The following IGF2R variants were observed in gnomAD, a reference collection of about 807,000 sequenced individuals.
The protein encoded by IGF2R is cation-independent mannose-6-phosphate receptor.
Under a neutral mutation model 270.6 loss-of-function variants are expected in IGF2R, and 91 were observed. The observed-to-expected ratio is 0.34, with a 90% CI of 0.28 to 0.40. IGF2R has a LOEUF of 0.40. Among genes scored for constraint, IGF2R ranks in the 10% least tolerant of loss-of-function variants. The probability of loss-of-function intolerance (pLI) is 1.00; values close to 1 mark genes in which losing one functional copy is unlikely to be tolerated. For missense variants in IGF2R, 2,805 were observed against 3,188.3 expected (o/e 0.88, Z 2.90); for synonymous variants, 1,316 against 1,258.9 (o/e 1.05, Z -0.96).
intron 45 of IGF2R, among the ~76,000 whole-genome samples, chr6:160,099,670 T>A (rs1057023565): frequency 1.3e-5 from 2 of 152,166 alleles, no homozygotes; most frequent in African/African-American, 4.8e-5. Context: ...CCCGGCCTCA[T>A]CAACTTTATA....
At chr6:160,065,838 ATATATATG>A (rs1778571374) in intron 29 of IGF2R, among the ~76,000 whole-genome samples, 1 of 97,170 alleles carries the variant, frequency 1.0e-5, no homozygotes, top group Admixed American at 1.0e-4. Context: ...ATATATATAT[ATATATATG>A]TATTTTTTTT....
At chr6:160,056,274 G>C in intron 19 of IGF2R, 150 bp from the exon 20 acceptor site, 1 of 633,330 alleles carries the variant, frequency 1.6e-6, no homozygotes, top group Non-Finnish European at 2.9e-6. Flanking sequence ...TTCTAATTAG[G>C]TAATGCACAT....
intron 2 of IGF2R, among the ~76,000 whole-genome samples, chr6:160,007,943 A>G (rs1784270966): frequency 6.6e-6 from 1 of 152,138 alleles, no homozygotes; most frequent in African/African-American, 2.4e-5. Flanking sequence ...TTGGATTTTG[A>G]TGTTTACATC....
rs879761244 is a variant in IGF2R at position 160,051,953 on chromosome 6, C to CA, written c.2694+1313dup. Among the ~76,000 whole-genome samples the CA allele has an allele frequency of 4.7e-3, 661 of 139,552 alleles. 8 individuals carry two copies. The highest frequency in any genetic ancestry group is 0.015 in the African/African-American group (570 of 37,786). The allele number at this position is 139,552 out of a possible 152,430, so 91.6% of individuals were successfully genotyped here. On this transcript the variant is annotated intron_variant, in intron 19 of 47. Coordinates refer to ENST00000356956, the MANE Select transcript of IGF2R (RefSeq NM_000876.4). ...TGGGAGACAAAGCGAGCCCCTGTCT[C>CA]AAAAAAAAAAAATTGGGAGGCAGAG...
At chr6:160,082,796 G>A (rs1438422054) in intron 39 of IGF2R, among the ~76,000 whole-genome samples, 1 of 152,262 alleles carries the variant, frequency 6.6e-6, no homozygotes, top group African/African-American at 2.4e-5. Context: ...AGCACGTGGT[G>A]TGTTGCCAGA....
intron 10 of IGF2R, among the ~76,000 whole-genome samples, chr6:160,037,892 G>A (rs1332149176): frequency 6.6e-6 from 1 of 152,162 alleles, no homozygotes. Context: ...CAGGGGCTCT[G>A]CAGGATGGGA....
intron 4 of IGF2R, among the ~76,000 whole-genome samples, chr6:160,014,331 T>C (rs913428833): frequency 2.0e-5 from 3 of 152,234 alleles, no homozygotes; most frequent in Non-Finnish European, 4.4e-5. Flanking sequence ...CCCAGGCTGC[T>C]AAATTCGTGG....
chr6:160,020,571 C>T lies in IGF2R; in HGVS notation c.514-4001C>T, dbSNP rs893051101. Among the ~76,000 whole-genome samples the T allele has an allele frequency of 7.2e-5, 11 of 152,256 alleles. No homozygotes were observed. The Middle Eastern group carries it at 0.014, about 188-fold the overall frequency. The stretch of plus-strand genomic sequence containing the variant: ...TACTGGAGGGCTATAGTAATCAAAA[C>T]AGCTAGTACTGATAGAAAAATAGAC... On this transcript the variant is annotated intron_variant, in intron 4 of 47. Transcript: ENST00000356956.
intron 37 of IGF2R, among the ~76,000 whole-genome samples, chr6:160,079,231 C>T (rs1230516754): frequency 2.6e-5 from 4 of 152,150 alleles, no homozygotes; most frequent in Admixed American, 6.5e-5. Flanking sequence ...TCACTTGGCC[C>T]GCACAATGTC....
intron 19 of IGF2R, among the ~76,000 whole-genome samples, chr6:160,055,407 T>C (rs1035255082): frequency 5.9e-5 from 9 of 152,100 alleles, no homozygotes; most frequent in Admixed American, 4.6e-4. Context: ...TCAGCACTCA[T>C]ATAGGGCCTG....
rs757124612 is a variant in IGF2R, at chr6:160,040,631, G to A, written c.1387G>A (p.Glu463Lys). ...CACCTACTTCTTCACATGGGACACG[G>A]AATACGCCTGTGTTAAGGAGAAGGA... ...DCTYFFTWDT[E>K]YACVKEKEDL... Residue 463 changes from glutamate to lysine, a missense_variant, in exon 11 of 48, where the codon GAA becomes AAA. Glu to Lys is a moderately conservative substitution (Grantham distance 56). This residue lies in a region of IGF2R where 954 missense variants were observed against 981.1 expected (regional missense o/e 0.97). Coordinates refer to ENST00000356956, the MANE Select transcript of IGF2R (RefSeq NM_000876.4). The A allele has an allele frequency of 9.3e-6, 15 of 1,614,062 alleles. No homozygotes were observed. The highest frequency in any genetic ancestry group is 8.8e-5 in the South Asian group (8 of 91,080).
At chr6:160,033,470 G>A (rs1211493362) in intron 9 of IGF2R, among the ~76,000 whole-genome samples, 1 of 152,236 alleles carries the variant, frequency 6.6e-6, no homozygotes, top group East Asian at 1.9e-4. Flanking sequence ...GTATTCTTGT[G>A]AAACATAACT....
At chr6:160,085,987 G>C (rs1268583414) in intron 41 of IGF2R, among the ~76,000 whole-genome samples, 1 of 152,252 alleles carries the variant, frequency 6.6e-6, no homozygotes, top group Non-Finnish European at 1.5e-5. Context: ...GGGAAGGAGG[G>C]AAGGTCGTGG....
intron 2 of IGF2R, among the ~76,000 whole-genome samples, chr6:160,008,521 G>C (rs1337253001): frequency 6.6e-6 from 1 of 152,142 alleles, no homozygotes; most frequent in African/African-American, 2.4e-5. Flanking sequence ...CATTCTACTT[G>C]TGGGCCTTTC....
intron 1 of IGF2R, among the ~76,000 whole-genome samples, chr6:159,969,861 G>A (rs1333377661): frequency 1.3e-5 from 2 of 152,200 alleles, no homozygotes; most frequent in Admixed American, 6.5e-5. Flanking sequence ...GGAGCCCGCA[G>A]GAATGGTCCT....
Position 160,060,544 on chromosome 6 carries a change from C to T in IGF2R, c.3092-3C>T, listed in dbSNP as rs1046483623. 2 of 1,614,124 alleles carry T rather than the reference C, an allele frequency of 1.2e-6. No individual in the cohort carries two copies. Among genetic ancestry groups the T allele is most frequent in the Non-Finnish European group, 1.7e-6 (2 of 1,179,948 alleles). On this transcript the variant is annotated splice_region_variant and splice_polypyrimidine_tract_variant and intron_variant, in intron 22 of 47. Transcript: ENST00000356956. ...TTAAAATCTGGGCCTTCTTGCTTTA[C>T]AGGTACCGCTGATGCTTTTATCGTC...
At chr6:159,997,891 TACGAAGATAAGGG>T (rs1307853195) in intron 2 of IGF2R, among the ~76,000 whole-genome samples, 32 of 152,116 alleles carry the variant, frequency 2.1e-4, no homozygotes, top group African/African-American at 7.7e-4. Context: ...GTGTTTAGAG[TACGAAGATAAGGG>T]AGTGCGAGGT....
chr6:160,042,645 C>T (rs1473714426), intron 11 of IGF2R, among the ~76,000 whole-genome samples: 1 of 152,206 alleles, frequency 6.6e-6, no homozygotes, highest in Non-Finnish European at 1.5e-5. Flanking sequence ...TGCTTGTCTT[C>T]TGTGGTAGCA....
At chr6:160,012,141 A>G (rs879405818) in intron 4 of IGF2R, among the ~76,000 whole-genome samples, 3 of 152,150 alleles carry the variant, frequency 2.0e-5, no homozygotes, top group Non-Finnish European at 4.4e-5. Flanking sequence ...GGAGCATTCA[A>G]TGAAAAAAAA....
Sources: allele counts gnomAD v4.1 joint callset (sites outside exome capture counted in the v4.1 genomes callset), GRCh38; gene constraint gnomAD v4.1.1; regional missense constraint gnomAD v4.1.1; transcripts MANE v1.5; gene names NCBI Gene and HGNC (gene_info 2026-07-23, HGNC 2026-07-21).